Variants in ZHX3 observed in about 807,000 individuals in gnomAD.
The protein encoded by ZHX3 is zinc fingers and homeoboxes 3.
A neutral mutation model predicts 64.5 loss-of-function variants in ZHX3; 20 were observed. The observed-to-expected ratio is 0.31, with a 90% CI of 0.22 to 0.45. The LOEUF is 0.45. Ranked by LOEUF, ZHX3 falls within the 20% of genes least tolerant of loss-of-function variation. The pLI is 1.00. For synonymous variants in ZHX3, 423 were observed against 461.6 expected (o/e 0.92, Z 1.07); for missense variants, 1,041 against 1,195.8 (o/e 0.87, Z 1.91).
At chr20:41,268,325 A>G (rs1238694098) in intron 2 of ZHX3, among the ~76,000 whole-genome samples, 1 of 150,980 alleles carries the variant, frequency 6.6e-6, no homozygotes, top group Admixed American at 6.6e-5. Flanking sequence ...TTACTAAGGC[A>G]TATCTATTTC....
chr20:41,261,428 T>C (rs148796426), intron 2 of ZHX3, among the ~76,000 whole-genome samples: 20 of 152,308 alleles, frequency 1.3e-4, no homozygotes, highest in African/African-American at 4.3e-4. Flanking sequence ...GTAGTCAAAC[T>C]GCATTTCCTT....
intron 3 of ZHX3, chr20:41,196,874 G>A (rs1188242613): frequency 5.8e-6 from 1 of 170,944 alleles, no homozygotes; most frequent in East Asian, 1.4e-4. Context: ...ATCCTCAGAA[G>A]AGCACTACCA....
At position 41,183,967 on chromosome 20, in the gene ZHX3, G is replaced by A. The variant is rs2036336301; in HGVS notation, c.*1224C>T. 1 of 152,196 alleles carries A rather than the reference G, an allele frequency of 6.6e-6. No individual in the cohort carries two copies. Among genetic ancestry groups the A allele is most frequent in the Admixed American group, 6.5e-5 (1 of 15,278 alleles). The allele number at this position is 152,196 out of a possible 1,614,324, so 9.4% of individuals were successfully genotyped here. A position where few individuals can be genotyped will look rare whatever the true frequency, so the allele number is the denominator to read the frequency against. On this transcript the variant is annotated 3_prime_UTR_variant, in exon 4 of 4. Transcript: ENST00000683867. This position sits in a 1 kb window ranked among gnomAD's most constrained non-coding sequence, Gnocchi z 5.3. ...GGGACATAAATATAAAACTTTAAAA[G>A]CATCCTCACAAGGACCAGTGATGCC... is the stretch of plus-strand genomic sequence containing the variant.
chr20:41,185,602 A>C lies in ZHX3; in HGVS notation c.2861-401T>G. On this transcript the variant is annotated intron_variant, in intron 3 of 3. Coordinates refer to ENST00000683867, the MANE Select transcript of ZHX3 (RefSeq NM_001384317.1). This position sits in a 1 kb window ranked among gnomAD's most constrained non-coding sequence, Gnocchi z 5.0. Reference sequence around the variant, plus strand: ...CTCCAGAACATACTGTTCCAATATAATAGCAGCTGGGTCTAGTTCTGATAT... The same window carrying C: ...CTCCAGAACATACTGTTCCAATATACTAGCAGCTGGGTCTAGTTCTGATAT... The C allele has an allele frequency of 4.6e-5, 13 of 285,572 alleles. No individual in the cohort carries two copies. Among genetic ancestry groups the C allele is most frequent in the Middle Eastern group, 1.9e-3 (2 of 1,038 alleles). 17.7% of individuals were successfully genotyped at this position (285,572 alleles called of 1,614,324 possible). A position where few individuals can be genotyped will look rare whatever the true frequency, so the allele number is the denominator to read the frequency against.
intron 3 of ZHX3, among the ~76,000 whole-genome samples, chr20:41,187,752 C>T (rs2036647495): frequency 6.6e-6 from 1 of 152,122 alleles, no homozygotes; most frequent in South Asian, 2.1e-4. Flanking sequence ...TTGGGGTCCC[C>T]TGAGATTCTA....
At chr20:41,198,366 T>TGAAAGGA (rs2037938326) in intron 3 of ZHX3, among the ~76,000 whole-genome samples, 2 of 152,224 alleles carry the variant, frequency 1.3e-5, no homozygotes, top group Non-Finnish European at 2.9e-5. Context: ...CCCTTTAGCA[T>TGAAAGGA]TTCTGGTAGG....
rs1324337277 is a variant in ZHX3 at position 41,200,311 on chromosome 20, C to T, written c.2860+1746G>A. 1.3e-5 allele frequency among the ~76,000 whole-genome samples: 2 copies of T among 152,160 alleles called. No homozygotes were observed. Among genetic ancestry groups the T allele is most frequent in the Non-Finnish European group, 1.5e-5 (1 of 68,034 alleles). On this transcript the variant is annotated intron_variant, in intron 3 of 3. Transcript: ENST00000683867. The surrounding 1 kb of genome is among the most constrained non-coding windows in gnomAD (Gnocchi z 4.2). ...CATTCTCCATGTCAGCTTTCGTAAT[C>T]AACTTGTTCAAACATCCTCATCTCT...
At chr20:41,257,170 C>T (rs554497827) in intron 2 of ZHX3, among the ~76,000 whole-genome samples, 1 of 152,268 alleles carries the variant, frequency 6.6e-6, no homozygotes, top group South Asian at 2.1e-4. Context: ...ATTTTCAGGC[C>T]ATCTTGGCCT....
chr20:41,295,583 C>T (rs1396157658), intron 1 of ZHX3, among the ~76,000 whole-genome samples: 1 of 152,080 alleles, frequency 6.6e-6, no homozygotes, highest in East Asian at 1.9e-4. Context: ...TTATCAGGAG[C>T]CAGCCAGGCG....
intron 2 of ZHX3, among the ~76,000 whole-genome samples, chr20:41,229,547 C>T (rs777589700): frequency 6.6e-6 from 1 of 152,168 alleles, no homozygotes; most frequent in Non-Finnish European, 1.5e-5. Context: ...AAGAGTTCTC[C>T]ACATTCATGG....
chr20:41,279,313 C>G (rs1013451501), intron 1 of ZHX3, among the ~76,000 whole-genome samples: 1 of 152,080 alleles, frequency 6.6e-6, no homozygotes, highest in African/African-American at 2.4e-5. Context: ...TAATCCTCAC[C>G]CCTTATATAC....
chr20:41,241,603 T>G (rs1024914733), intron 2 of ZHX3, among the ~76,000 whole-genome samples: 4 of 152,212 alleles, frequency 2.6e-5, no homozygotes, highest in Non-Finnish European at 4.4e-5. Flanking sequence ...TTCATGGGTC[T>G]ATGTGTCTGT....
rs202195899 is a variant in ZHX3, at chr20:41,198,483, GT to G, written c.2860+3573del. Among the ~76,000 whole-genome samples the G allele has an allele frequency of 2.8e-3, 409 of 144,686 alleles. 1 individual carries two copies. The highest frequency in any genetic ancestry group is 8.7e-3 in the African/African-American group (346 of 39,654). 94.9% of individuals were successfully genotyped at this position (144,686 alleles called of 152,430 possible). On this transcript the variant is annotated intron_variant, in intron 3 of 3. Coordinates refer to ENST00000683867, the MANE Select transcript of ZHX3 (RefSeq NM_001384317.1). ...CATATACAGAAATCTTGGTTTAGAG[GT>G]TTTTTTTTTTTCTTTTTTTCACGAC...
In ZHX3 at chr20:41,183,543, G is replaced by C. The variant is rs1042892637; in HGVS notation, c.*1648C>G. 3 of 152,264 alleles carry C rather than the reference G, an allele frequency of 2.0e-5. No individual in the cohort carries two copies. The highest frequency in any genetic ancestry group is 6.5e-5 in the Admixed American group (1 of 15,288). 9.4% of individuals were successfully genotyped at this position (152,264 alleles called of 1,614,324 possible). ...GCCACATGAGCACGGTGCCCTGCCA[G>C]GTCCAGTTCCCTGGGTAGGGGAGAA... is the stretch of plus-strand genomic sequence containing the variant. On this transcript the variant is annotated 3_prime_UTR_variant, in exon 4 of 4. Coordinates refer to ENST00000683867, the MANE Select transcript of ZHX3 (RefSeq NM_001384317.1). This position sits in a 1 kb window ranked among gnomAD's most constrained non-coding sequence, Gnocchi z 5.3.
chr20:41,261,991 C>G (rs1231731556), intron 2 of ZHX3, among the ~76,000 whole-genome samples: 3 of 152,226 alleles, frequency 2.0e-5, no homozygotes, highest in Non-Finnish European at 4.4e-5. Flanking sequence ...AGTAGTTCCA[C>G]CATCTATCAC....
chr20:41,301,845 G>C (rs59596298), intron 1 of ZHX3, among the ~76,000 whole-genome samples: 60,004 of 151,340 alleles, frequency 0.4, 12,336 homozygotes, highest in East Asian at 0.74. Flanking sequence ...ACGAGGTCAG[G>C]AGATCGAGAC....
chr20:41,269,850 A>G (rs1479191625), intron 1 of ZHX3, among the ~76,000 whole-genome samples: 3 of 151,680 alleles, frequency 2.0e-5, no homozygotes, highest in Non-Finnish European at 2.9e-5. Context: ...CATGACTACG[A>G]GCATCCATGA....
Position 41,178,721 on chromosome 20 carries a change from G to C in ZHX3, c.*6470C>G, listed in dbSNP as rs921744790. 6.6e-6 allele frequency: 1 copy of C among 152,500 alleles called. No homozygotes were observed. The highest frequency in any genetic ancestry group is 1.5e-5 in the Non-Finnish European group (1 of 68,016). The allele number at this position is 152,500 out of a possible 1,614,324, so 9.4% of individuals were successfully genotyped here. ...AACCGAAGTTAAGTTCCATTTTTTT[G>C]TTAAAACGTTTACCCAGGGTAAAGA... On this transcript the variant is annotated 3_prime_UTR_variant, in exon 4 of 4. Coordinates refer to ENST00000683867, the MANE Select transcript of ZHX3 (RefSeq NM_001384317.1).
At chr20:41,231,083 C>T (rs1388547430) in intron 2 of ZHX3, among the ~76,000 whole-genome samples, 1 of 152,152 alleles carries the variant, frequency 6.6e-6, no homozygotes, top group Non-Finnish European at 1.5e-5. Context: ...TATAGTTTTG[C>T]CTTTTTCAGA....
Sources: allele counts gnomAD v4.1 joint callset (sites outside exome capture counted in the v4.1 genomes callset), GRCh38; gene constraint gnomAD v4.1.1; non-coding constraint Gnocchi (gnomAD v3.1); transcripts MANE v1.5; gene names NCBI Gene and HGNC (gene_info 2026-07-23, HGNC 2026-07-21).